STAT1: variants seen among roughly 807,000 people sequenced by gnomAD.
STAT1 encodes signal transducer and activator of transcription 1.
STAT1 carries 24 observed loss-of-function variants against 111.7 expected under a neutral mutation model. The ratio of observed to expected loss-of-function variants is 0.21; its 90% CI spans 0.16 to 0.30. STAT1 has a LOEUF of 0.30. Ranked by LOEUF, STAT1 falls within the 10% of genes least tolerant of loss-of-function variation. The pLI, the probability that STAT1 is intolerant of heterozygous loss-of-function variation, is 1.00. For synonymous variants in STAT1, 332 were observed against 326.5 expected, an observed-to-expected ratio of 1.02 and a Z score of -0.18; for missense variants, 351 against 911.9, an observed-to-expected ratio of 0.38 and a Z score of 7.92.
At chr2:191,008,033 T>C (rs777937746) in intron 4 of STAT1, 11 of 458,352 alleles carry the variant, frequency 2.4e-5, no homozygotes, top group African/African-American at 8.0e-5. Context: ...AATGAATGCA[T>C]CTGTTGGTCT....
intron 2 of STAT1, among the ~76,000 whole-genome samples, chr2:191,011,463 TTGGAGCGCAGTGGCAG>T (rs1281445059): frequency 6.6e-6 from 1 of 152,010 alleles, no homozygotes; most frequent in Non-Finnish European, 1.5e-5. Flanking sequence ...GTCATCCAGG[TTGGAGCGCAGTGGCAG>T]TGGAGCGCAG....
chr2:190,978,943 G>A lies in STAT1; in HGVS notation c.1786C>T (p.Pro596Ser), dbSNP rs1559006976. The A allele has an allele frequency of 1.2e-6, 2 of 1,614,156 alleles. No individual in the cohort carries two copies. Residue 596 changes from proline to serine, a missense_variant, in exon 21 of 25, where the codon CCG becomes TCG. By Grantham distance (74) the Pro-to-Ser change is moderately conservative. Transcript: ENST00000361099. This position sits in a 1 kb window ranked among gnomAD's most constrained non-coding sequence, Gnocchi z 6.1. The stretch of plus-strand genomic sequence containing the variant: ...CTGAACCGCAGCAGGAAGGTCCCCG[G>A]CTGCTGGTCCTTCAACAGGGCACGC... Reference protein sequence around the residue: ...RERALLKDQQPGTFLLRFSES... With the variant: ...RERALLKDQQSGTFLLRFSES...
At chr2:190,972,946 G>C (rs1336687616) in intron 24 of STAT1, among the ~76,000 whole-genome samples, 5 of 151,998 alleles carry the variant, frequency 3.3e-5, no homozygotes. Context: ...CCACAAAACT[G>C]TTTCCTGACA....
In STAT1 at chr2:190,970,509, T is replaced by G; in HGVS notation, c.*194A>C. ...CCTTTCAATTTTACCTTCAGTAAGA[T>G]GCATGATGCCCTTCAGAGTAACTGA... On this transcript the variant is annotated 3_prime_UTR_variant, in exon 25 of 25. Coordinates refer to ENST00000361099, the MANE Select transcript of STAT1 (RefSeq NM_007315.4). This position sits in a 1 kb window ranked among gnomAD's most constrained non-coding sequence, Gnocchi z 5.4. The G allele has an allele frequency of 1.5e-6, 1 of 668,842 alleles. No individual in the cohort carries two copies. Among genetic ancestry groups the G allele is most frequent in the Non-Finnish European group, 2.7e-6 (1 of 371,018 alleles). 41.4% of individuals were successfully genotyped at this position (668,842 alleles called of 1,614,324 possible).
At position 190,999,160 on chromosome 2, in the gene STAT1, A is replaced by G. The variant is rs1694074281; in HGVS notation, c.541+466T>C. On this transcript the variant is annotated intron_variant, in intron 7 of 24. Transcript: ENST00000361099. The surrounding 1 kb of genome is among the most constrained non-coding windows in gnomAD (Gnocchi z 4.1). ...AAAATACTGAGCTTATCTGCTGTGT[A>G]TACACGTGGCCCTGCAACGTTTGAA... 6.6e-6 allele frequency among the ~76,000 whole-genome samples: 1 copy of G among 152,204 alleles called. No individual in the cohort carries two copies. Among genetic ancestry groups the G allele is most frequent in the African/African-American group, 2.4e-5 (1 of 41,456 alleles).
intron 24 of STAT1, among the ~76,000 whole-genome samples, chr2:190,972,590 A>C (rs773607464): frequency 7.2e-5 from 11 of 152,238 alleles, no homozygotes; most frequent in Non-Finnish European, 1.6e-4. Flanking sequence ...ATACACTCTG[A>C]TTCTAAGAGT....
chr2:190,987,206 C>G lies in STAT1; in HGVS notation c.1098-138G>C. On this transcript the variant is annotated intron_variant, in intron 12 of 24. Transcript: ENST00000361099. The surrounding 1 kb of genome is among the most constrained non-coding windows in gnomAD (Gnocchi z 4.0). Reference sequence around the variant, plus strand: ...TAAATCTACACCTATGGATTTGCAGCCTTTCATTCACTCCCTGCTTCCATC... The same window carrying G: ...TAAATCTACACCTATGGATTTGCAGGCTTTCATTCACTCCCTGCTTCCATC... The G allele has an allele frequency of 2.8e-6, 2 of 723,126 alleles. No homozygotes were observed. The highest frequency in any genetic ancestry group is 3.4e-5 in the South Asian group (2 of 59,144). The allele number at this position is 723,126 out of a possible 1,614,324, so 44.8% of individuals were successfully genotyped here. A position where few individuals can be genotyped will look rare whatever the true frequency, so the allele number is the denominator to read the frequency against.
chr2:190,978,684 C>T lies in STAT1; in HGVS notation c.1873+172G>A, dbSNP rs1692100865. On this transcript the variant is annotated intron_variant, in intron 21 of 24. Transcript: ENST00000361099. This position sits in a 1 kb window ranked among gnomAD's most constrained non-coding sequence, Gnocchi z 6.1. Reference sequence around the variant, plus strand: ...ATATGTTCCAGAGAGTGAACCACAACCACAAACATTTGTGGTGGTTTATTA... The same window carrying T: ...ATATGTTCCAGAGAGTGAACCACAATCACAAACATTTGTGGTGGTTTATTA... 3 of 826,192 alleles carry T rather than the reference C, an allele frequency of 3.6e-6. No individual in the cohort carries two copies. Among genetic ancestry groups the T allele is most frequent in the Non-Finnish European group, 5.9e-6 (3 of 512,018 alleles). The allele number at this position is 826,192 out of a possible 1,614,324, so 51.2% of individuals were successfully genotyped here.
chr2:190,998,113 C>T lies in STAT1; in HGVS notation c.633+104G>A. On this transcript the variant is annotated intron_variant, in intron 8 of 24. Coordinates refer to ENST00000361099, the MANE Select transcript of STAT1 (RefSeq NM_007315.4). The surrounding 1 kb of genome is among the most constrained non-coding windows in gnomAD (Gnocchi z 4.1). Reference sequence around the variant, plus strand: ...AATATCATTTCATTCTCAACTGGGGCTCTAAGCCAGGTGGCTATAATTTTT... The same window carrying T: ...AATATCATTTCATTCTCAACTGGGGTTCTAAGCCAGGTGGCTATAATTTTT... 1 of 1,560,840 alleles carries T rather than the reference C, an allele frequency of 6.4e-7. No homozygotes were observed. The highest frequency in any genetic ancestry group is 8.8e-7 in the Non-Finnish European group (1 of 1,137,460).
In STAT1 at chr2:191,013,949, A is replaced by G. The variant is rs1176303751; in HGVS notation, c.-156+69T>C. ...ACGGCCCGTCCTCGCCCGGCGTCCA[A>G]CTGCACGGCCCGAGGACTCTGTCCC... On this transcript the variant is annotated intron_variant, in intron 1 of 24. Transcript: ENST00000361099. The G allele has an allele frequency of 4.6e-5, 14 of 307,556 alleles. No individual in the cohort carries two copies. The East Asian group carries it at 6.5e-4, about 14-fold the overall frequency. 19.1% of individuals were successfully genotyped at this position (307,556 alleles called of 1,614,324 possible).
chr2:190,976,814 T>C lies in STAT1; in HGVS notation c.2059+26A>G. On this transcript the variant is annotated intron_variant, in intron 22 of 24. Coordinates refer to ENST00000361099, the MANE Select transcript of STAT1 (RefSeq NM_007315.4). The surrounding 1 kb of genome is among the most constrained non-coding windows in gnomAD (Gnocchi z 6.0). ...CTCATCAGGAAAGACTGTGCCACGCTGTTACCACCTGCTTGCCCCACTTAC... is the reference window on the plus strand; with the variant it reads ...CTCATCAGGAAAGACTGTGCCACGCCGTTACCACCTGCTTGCCCCACTTAC... 1 of 1,603,230 alleles carries C rather than the reference T, an allele frequency of 6.2e-7. No individual in the cohort carries two copies. The highest frequency in any genetic ancestry group is 1.1e-5 in the South Asian group (1 of 90,844).
rs1451353776 is a variant in STAT1 at position 190,982,515 on chromosome 2, G to T, written c.1450C>A (p.Leu484Met). The change falls in exon 18 of 25, where the codon CTG (leucine) becomes ATG (methionine). Residue 484 changes from leucine (L) to methionine (M), a missense_variant. This residue lies in a region of STAT1 where 181 missense variants were observed against 426.1 expected (regional missense o/e 0.42). Transcript: ENST00000361099. The surrounding 1 kb of genome is among the most constrained non-coding windows in gnomAD (Gnocchi z 7.3). ...CATGGTGGAGTCAGGAAGAAGGACA[G>T]ATTCTAGAGAGAAAACACCCAAAAT... ...YNMLVAEPRN[L>M]SFFLTPPCAR... The T allele has an allele frequency of 6.2e-7, 1 of 1,614,136 alleles. No homozygotes were observed. Among genetic ancestry groups the T allele is most frequent in the Non-Finnish European group, 8.5e-7 (1 of 1,180,010 alleles).
chr2:190,999,812 A>G lies in STAT1; in HGVS notation c.463-108T>C. The G allele has an allele frequency of 1.3e-6, 1 of 761,966 alleles. No homozygotes were observed. The highest frequency in any genetic ancestry group is 1.5e-5 in the South Asian group (1 of 68,160). 47.2% of individuals were successfully genotyped at this position (761,966 alleles called of 1,614,324 possible). ...CCCAGAGAAACACGAAAACAATTCCATCTCCCCCAAAAAGAGATCTGACTT... is the reference window on the plus strand; with the variant it reads ...CCCAGAGAAACACGAAAACAATTCCGTCTCCCCCAAAAAGAGATCTGACTT... On this transcript the variant is annotated intron_variant, in intron 6 of 24. Transcript: ENST00000361099. This position sits in a 1 kb window ranked among gnomAD's most constrained non-coding sequence, Gnocchi z 4.1.
Position 190,990,873 on chromosome 2 carries a change from G to A in STAT1, c.1037+355C>T, listed in dbSNP as rs1293381744. ...TAAATCCACATTCATACAGCTTCTG[G>A]GGTTCATAAGGCTCAGGTTATGAGC... On this transcript the variant is annotated intron_variant, in intron 11 of 24. Coordinates refer to ENST00000361099, the MANE Select transcript of STAT1 (RefSeq NM_007315.4). This position sits in a 1 kb window ranked among gnomAD's most constrained non-coding sequence, Gnocchi z 5.1. 6.6e-6 allele frequency among the ~76,000 whole-genome samples: 1 copy of A among 152,066 alleles called. No homozygotes were observed. Among genetic ancestry groups the A allele is most frequent in the Non-Finnish European group, 1.5e-5 (1 of 68,006 alleles).
At chr2:191,002,405 T>A (rs1029886187) in intron 5 of STAT1, among the ~76,000 whole-genome samples, 1 of 152,218 alleles carries the variant, frequency 6.6e-6, no homozygotes, top group South Asian at 2.1e-4. Context: ...CCTTGAAGGA[T>A]GTTTGACTAT....
In STAT1 at chr2:190,977,606, A is replaced by G. The variant is rs1426206938; in HGVS notation, c.1874-581T>C. 1.3e-5 allele frequency among the ~76,000 whole-genome samples: 2 copies of G among 152,188 alleles called. No individual in the cohort carries two copies. The highest frequency in any genetic ancestry group is 2.9e-5 in the Non-Finnish European group (2 of 68,038). On this transcript the variant is annotated intron_variant, in intron 21 of 24. Coordinates refer to ENST00000361099, the MANE Select transcript of STAT1 (RefSeq NM_007315.4). This position sits in a 1 kb window ranked among gnomAD's most constrained non-coding sequence, Gnocchi z 4.7. ...ATTCAGATCCTTCTTCCTAGCTGATACAGAATCTCCCTTTGGGTGTCGACC... is the reference window on the plus strand; with the variant it reads ...ATTCAGATCCTTCTTCCTAGCTGATGCAGAATCTCCCTTTGGGTGTCGACC...
Position 190,983,485 on chromosome 2 carries a change from T to C in STAT1, c.1446+157A>G, listed in dbSNP as rs990532594. Among the ~76,000 whole-genome samples, 3 of 152,228 alleles carry C rather than the reference T, an allele frequency of 2.0e-5. No homozygotes were observed. Among genetic ancestry groups the C allele is most frequent in the African/African-American group, 7.2e-5 (3 of 41,448 alleles). On this transcript the variant is annotated intron_variant, in intron 17 of 24. Coordinates refer to ENST00000361099, the MANE Select transcript of STAT1 (RefSeq NM_007315.4). The surrounding 1 kb of genome is among the most constrained non-coding windows in gnomAD (Gnocchi z 5.7). ...CTCATTTCAAATACATATCCATGCT[T>C]CATATTCCCAGATTTACTCAAAAGC...
At chr2:190,994,592 G>T (rs996111902) in intron 10 of STAT1, among the ~76,000 whole-genome samples, 1 of 152,064 alleles carries the variant, frequency 6.6e-6, no homozygotes, top group Non-Finnish European at 1.5e-5. Context: ...AGAACCACTG[G>T]TATAACCAAA....
At position 190,983,444 on chromosome 2, in the gene STAT1, G is replaced by C. The variant is rs1332988629; in HGVS notation, c.1446+198C>G. 6.6e-6 allele frequency among the ~76,000 whole-genome samples: 1 copy of C among 152,128 alleles called. No individual in the cohort carries two copies. The highest frequency in any genetic ancestry group is 2.4e-5 in the African/African-American group (1 of 41,428). On this transcript the variant is annotated intron_variant, in intron 17 of 24. Coordinates refer to ENST00000361099, the MANE Select transcript of STAT1 (RefSeq NM_007315.4). The surrounding 1 kb of genome is among the most constrained non-coding windows in gnomAD (Gnocchi z 5.7). ...TGACTGCCCTAGCTTACCCACATGG[G>C]AGAAAAAACGTAATTCTCATTTCAA...
Sources: allele counts gnomAD v4.1 joint callset (sites outside exome capture counted in the v4.1 genomes callset), GRCh38; gene constraint gnomAD v4.1.1; regional missense constraint gnomAD v4.1.1; non-coding constraint Gnocchi (gnomAD v3.1); transcripts MANE v1.5; gene names NCBI Gene and HGNC (gene_info 2026-07-23, HGNC 2026-07-21).